Variants in SPRED2 observed in about 807,000 individuals in gnomAD.
The protein encoded by SPRED2 is sprouty-related, EVH1 domain-containing protein 2.
SPRED2 carries 47 observed loss-of-function variants against 43.0 expected under a neutral mutation model. The observed-to-expected ratio is 1.09, with a 90% CI of 0.87 to 1.40. The LOEUF (loss-of-function observed/expected upper bound fraction) is 1.40, where lower values mean the gene tolerates loss of function less well. SPRED2 is among the 40% of genes most tolerant of loss of function. The pLI, the probability that SPRED2 is intolerant of heterozygous loss-of-function variation, is 0.00. For missense variants in SPRED2, 561 were observed against 586.4 expected, an observed-to-expected ratio of 0.96 and a Z score of 0.45; for synonymous variants, 225 against 225.7, an observed-to-expected ratio of 1.00 and a Z score of 0.03.
chr2:65,405,408 G>A (rs888828743), intron 1 of SPRED2, among the ~76,000 whole-genome samples: 1 of 152,164 alleles, frequency 6.6e-6, no homozygotes, highest in African/African-American at 2.4e-5. Flanking sequence ...AATCATCCTC[G>A]ATTTTCCCTC....
In SPRED2 at chr2:65,343,341, A is replaced by G. The variant is rs570912607; in HGVS notation, c.204+1378T>C. ...AAAATTAGCTGTCTTCTCCCTTTAAATTTTCAGAAATGAAATCAAATGTGA... is the reference window on the plus strand; with the variant it reads ...AAAATTAGCTGTCTTCTCCCTTTAAGTTTTCAGAAATGAAATCAAATGTGA... On this transcript the variant is annotated intron_variant, in intron 2 of 5. Transcript: ENST00000356388. Among the ~76,000 whole-genome samples, 83 of 152,320 alleles carry G rather than the reference A, an allele frequency of 5.4e-4. No homozygotes were observed. In the South Asian group the frequency reaches 0.016, roughly 30 times the overall value.
chr2:65,341,910 C>CTA (rs1016388719), intron 2 of SPRED2, among the ~76,000 whole-genome samples: 1 of 151,742 alleles, frequency 6.6e-6, no homozygotes, highest in Non-Finnish European at 1.5e-5. Context: ...AAAAAAATTT[C>CTA]TATATATATA....
chr2:65,348,655 T>C (rs1674420758), intron 1 of SPRED2, among the ~76,000 whole-genome samples: 1 of 151,616 alleles, frequency 6.6e-6, no homozygotes, highest in Non-Finnish European at 1.5e-5. Flanking sequence ...GTACAAAAAA[T>C]TAGCTGGGCT....
chr2:65,393,326 C>CTTT (rs55696467), intron 1 of SPRED2, among the ~76,000 whole-genome samples: 42 of 141,678 alleles, frequency 3.0e-4, no homozygotes, highest in Non-Finnish European at 4.0e-4. Flanking sequence ...AATCATAAGG[C>CTTT]TTTTTTTTTT....
chr2:65,355,706 T>C (rs1674627768), intron 1 of SPRED2, among the ~76,000 whole-genome samples: 1 of 152,210 alleles, frequency 6.6e-6, no homozygotes, highest in Non-Finnish European at 1.5e-5. Context: ...AATCTAGGTT[T>C]ATGATTTTGC....
chr2:65,390,613 C>A (rs115997849), intron 1 of SPRED2, among the ~76,000 whole-genome samples: 12 of 152,116 alleles, frequency 7.9e-5, no homozygotes, highest in African/African-American at 2.9e-4. Flanking sequence ...TGTCTCTATG[C>A]CTCTGTAAAT....
chr2:65,366,483 CT>C, intron 1 of SPRED2: 1 of 1,180,942 alleles, frequency 8.5e-7, no homozygotes, highest in South Asian at 1.4e-5. Flanking sequence ...TCCTCTACAA[CT>C]AGGATAAATT....
chr2:65,376,310 C>T (rs1437260540), intron 1 of SPRED2, among the ~76,000 whole-genome samples: 1 of 152,162 alleles, frequency 6.6e-6, no homozygotes, highest in Non-Finnish European at 1.5e-5. Flanking sequence ...CACGGCATTC[C>T]ATGGGTCCGT....
chr2:65,416,526 T>C (rs917801668), intron 1 of SPRED2, among the ~76,000 whole-genome samples: 4 of 152,092 alleles, frequency 2.6e-5, no homozygotes, highest in African/African-American at 9.7e-5. Context: ...AGGGATCCTT[T>C]ATGCTAAGAA....
chr2:65,326,470 A>G (rs1232705648), intron 4 of SPRED2, among the ~76,000 whole-genome samples: 2 of 152,184 alleles, frequency 1.3e-5, no homozygotes, highest in Non-Finnish European at 2.9e-5. Flanking sequence ...GTCCTCTTTC[A>G]AAGAGACAGC....
chr2:65,327,713 CTTTTTTTTTTT>C (rs555549300), intron 4 of SPRED2, among the ~76,000 whole-genome samples: 10 of 74,446 alleles, frequency 1.3e-4, no homozygotes, highest in Admixed American at 1.0e-3. Flanking sequence ...TTCTTTCTTT[CTTTTTTTTTTT>C]TTTTTTTTTT....
At chr2:65,332,145 A>G (rs1673832016) in intron 3 of SPRED2, 94 bp from the exon 4 acceptor site, 4 of 733,866 alleles carry the variant, frequency 5.5e-6, no homozygotes, top group Non-Finnish European at 8.7e-6. Flanking sequence ...ACCACATTCC[A>G]TTCTTTTTGC....
chr2:65,350,143 A>C (rs1426366189), intron 1 of SPRED2, among the ~76,000 whole-genome samples: 1 of 152,086 alleles, frequency 6.6e-6, no homozygotes, highest in Non-Finnish European at 1.5e-5. Context: ...CTCTCTTCCC[A>C]CCTTCCCTCC....
chr2:65,403,046 A>C (rs1675941698), intron 1 of SPRED2, among the ~76,000 whole-genome samples: 1 of 152,238 alleles, frequency 6.6e-6, no homozygotes, highest in Non-Finnish European at 1.5e-5. Context: ...ATTTACATCC[A>C]AAAGCCAAAA....
chr2:65,336,830 C>T (rs1380967346), intron 2 of SPRED2, among the ~76,000 whole-genome samples: 5 of 152,072 alleles, frequency 3.3e-5, no homozygotes, highest in African/African-American at 4.8e-5. Context: ...GTAAAATGGC[C>T]GGGCGCGGTG....
chr2:65,357,798 T>G (rs930921497), intron 1 of SPRED2, among the ~76,000 whole-genome samples: 1 of 152,134 alleles, frequency 6.6e-6, no homozygotes, highest in African/African-American at 2.4e-5. Context: ...TTGTAATGAG[T>G]GCCGTAAGTC....
chr2:65,320,929 A>G (rs1389010022), intron 4 of SPRED2, among the ~76,000 whole-genome samples: 1 of 152,218 alleles, frequency 6.6e-6, no homozygotes, highest in East Asian at 1.9e-4. Flanking sequence ...ATACACAAGC[A>G]AGATTCTTAA....
At chr2:65,327,468 T>G (rs1436813203) in intron 4 of SPRED2, among the ~76,000 whole-genome samples, 1 of 152,204 alleles carries the variant, frequency 6.6e-6, no homozygotes, top group Admixed American at 6.5e-5. Flanking sequence ...ATTTAATTAA[T>G]TTAGCCACTA....
At chr2:65,408,390 C>A (rs1461728215) in intron 1 of SPRED2, among the ~76,000 whole-genome samples, 2 of 152,098 alleles carry the variant, frequency 1.3e-5, no homozygotes, top group Admixed American at 6.6e-5. Flanking sequence ...AAAATCAGCT[C>A]CCCTGACTTT....
Sources: gnomAD v4.1 joint callset for allele counts (sites outside exome capture counted in the v4.1 genomes callset) on GRCh38, gnomAD v4.1.1 for gene constraint, MANE v1.5 for transcripts, NCBI Gene and HGNC (gene_info 2026-07-23, HGNC 2026-07-21) for gene names.